The following PBX3 variants were observed in gnomAD, a reference collection of about 807,000 sequenced individuals.
The protein encoded by PBX3 is PBX homeobox 3.
A neutral mutation model predicts 48.5 loss-of-function variants in PBX3; 14 were observed. That is an observed-to-expected ratio of 0.29 (90% CI 0.19 to 0.45). The LOEUF is 0.45. Among genes scored for constraint, PBX3 ranks in the 20% least tolerant of loss-of-function variants. PBX3 has a pLI of 1.00. For missense variants in PBX3, 386 were observed against 546.7 expected (o/e 0.71, Z 2.93); for synonymous variants, 210 against 200.3 (o/e 1.05, Z -0.41).
chr9:125,791,297 GTCTGTCTATCTATCTATCTATCTA>G lies in PBX3; in HGVS notation c.274+42678_274+42701del, dbSNP rs1402630952. Among the ~76,000 whole-genome samples the G allele has an allele frequency of 2.5e-3, 324 of 128,058 alleles. 1 individual carries two copies. The highest frequency in any genetic ancestry group is 9.7e-3 in the African/African-American group (307 of 31,542). 84.0% of individuals were successfully genotyped at this position (128,058 alleles called of 152,430 possible). On this transcript the variant is annotated intron_variant, in intron 2 of 8. Coordinates refer to ENST00000373489, the MANE Select transcript of PBX3 (RefSeq NM_006195.6). ...TACATTTTTATCTGTCTGTCTGTCTGTCTGTCTATCTATCTATCTATCTATCTATCTATCTATCTATCTATCTAT... is the reference window on the plus strand; with the variant it reads ...TACATTTTTATCTGTCTGTCTGTCTGTCTATCTATCTATCTATCTATCTAT...
chr9:125,748,328 G>C lies in PBX3; in HGVS notation c.201-222G>C. 2.4e-6 allele frequency: 3 copies of C among 1,227,868 alleles called. No individual in the cohort carries two copies. The South Asian group carries it at 6.1e-5, about 25-fold the overall frequency. The allele number at this position is 1,227,868 out of a possible 1,614,324, so 76.1% of individuals were successfully genotyped here. A position where few individuals can be genotyped will look rare whatever the true frequency, so the allele number is the denominator to read the frequency against. ...TCTGCAGTGGCCGAGGCTGCTGCCT[G>C]CCGGGCAGATGGGTCCGCCTTGTTC... On this transcript the variant is annotated intron_variant, in intron 1 of 8. Coordinates refer to ENST00000373489, the MANE Select transcript of PBX3 (RefSeq NM_006195.6).
chr9:125,898,694 A>G (rs969421660), intron 2 of PBX3, among the ~76,000 whole-genome samples: 3 of 151,868 alleles, frequency 2.0e-5, no homozygotes, highest in Non-Finnish European at 4.4e-5. Context: ...AAGTGAAGAT[A>G]CAGAATGCTG....
intron 1 of PBX3, 41 bp from the exon 2 acceptor site, chr9:125,748,509 G>T: frequency 6.2e-7 from 1 of 1,605,006 alleles, no homozygotes; most frequent in South Asian, 1.1e-5. Context: ...TTATTCCATA[G>T]GTGATGCTAA....
At chr9:125,923,983 A>G (rs528840217) in intron 3 of PBX3, among the ~76,000 whole-genome samples, 3 of 149,942 alleles carry the variant, frequency 2.0e-5, no homozygotes, top group South Asian at 2.1e-4. Flanking sequence ...TCCTGCCCCA[A>G]CCCCCCTAGT....
chr9:125,792,143 G>A (rs906069436), intron 2 of PBX3, among the ~76,000 whole-genome samples: 1 of 152,124 alleles, frequency 6.6e-6, no homozygotes, highest in African/African-American at 2.4e-5. Context: ...AATCCTAGAT[G>A]TAGGAAAAGA....
intron 2 of PBX3, among the ~76,000 whole-genome samples, chr9:125,913,454 A>G (rs1224893969): frequency 6.6e-6 from 1 of 152,142 alleles, no homozygotes; most frequent in African/African-American, 2.4e-5. Context: ...TCTTATTGGT[A>G]CAATAATGAT....
chr9:125,767,870 A>G (rs576550311), intron 2 of PBX3, among the ~76,000 whole-genome samples: 2 of 152,194 alleles, frequency 1.3e-5, no homozygotes, highest in Non-Finnish European at 2.9e-5. Flanking sequence ...TTGAGGGGAA[A>G]GAATCAGAAA....
chr9:125,956,987 T>A (rs1304078073), intron 5 of PBX3, among the ~76,000 whole-genome samples: 4 of 152,186 alleles, frequency 2.6e-5, no homozygotes, highest in African/African-American at 9.7e-5. Context: ...GGGCTTCTTT[T>A]GCAACTAATT....
intron 2 of PBX3, among the ~76,000 whole-genome samples, chr9:125,780,959 G>A (rs1837282195): frequency 8.3e-6 from 1 of 120,022 alleles, no homozygotes; most frequent in Non-Finnish European, 1.7e-5. Context: ...TCCCAGACGG[G>A]GTTGCGGCCG....
chr9:125,776,562 C>T (rs10760401), intron 2 of PBX3, among the ~76,000 whole-genome samples: 1 of 151,886 alleles, frequency 6.6e-6, no homozygotes. Flanking sequence ...TTTAAATGGG[C>T]TTTTGCTCTG....
chr9:125,879,732 T>C (rs2132346501), intron 2 of PBX3, among the ~76,000 whole-genome samples: 1 of 152,346 alleles, frequency 6.6e-6, no homozygotes, highest in East Asian at 1.9e-4. Context: ...ATTACTTCAA[T>C]AGATCCTTTG....
chr9:125,773,272 C>T (rs757242447), intron 2 of PBX3, among the ~76,000 whole-genome samples: 15 of 152,174 alleles, frequency 9.9e-5, no homozygotes, highest in Admixed American at 5.2e-4. Flanking sequence ...AAGGATTAGG[C>T]GATTGGTTGG....
At position 125,966,715 on chromosome 9, in the gene PBX3, T is replaced by C. The variant is rs907923824; in HGVS notation, c.*792T>C. The stretch of plus-strand genomic sequence containing the variant: ...AGGCCCTGCTCTCTGGAGTGTTGTA[T>C]ATAGTGTAGCAAAAGAGTATTTATA... On this transcript the variant is annotated 3_prime_UTR_variant, in exon 9 of 9. Transcript: ENST00000373489. 2 of 152,658 alleles carry C rather than the reference T, an allele frequency of 1.3e-5. No individual in the cohort carries two copies. The highest frequency in any genetic ancestry group is 2.9e-5 in the Non-Finnish European group (2 of 68,056). 9.5% of individuals were successfully genotyped at this position (152,658 alleles called of 1,614,324 possible).
intron 2 of PBX3, among the ~76,000 whole-genome samples, chr9:125,871,842 A>G (rs1450479095): frequency 1.3e-5 from 2 of 152,212 alleles, no homozygotes; most frequent in Non-Finnish European, 1.5e-5. Context: ...CTAGAGGCAA[A>G]AATAGAATTG....
At chr9:125,928,610 C>T (rs1337936735) in intron 3 of PBX3, among the ~76,000 whole-genome samples, 1 of 151,948 alleles carries the variant, frequency 6.6e-6, no homozygotes, top group Admixed American at 6.6e-5. Flanking sequence ...GGACTACAGG[C>T]ACCCGCCACC....
chr9:125,949,262 A>G, intron 5 of PBX3: 1 of 1,303,122 alleles, frequency 7.7e-7, no homozygotes, highest in South Asian at 1.4e-5. Flanking sequence ...CAGGGGATTC[A>G]GGGGTTAATG....
Position 125,866,997 on chromosome 9 carries a change from G to T in PBX3, c.275-48689G>T, listed in dbSNP as rs553810738. ...TAAACATAAGTTGTACTACATATGT[G>T]TAATTACAAAGCAATTGTAATGGCA... On this transcript the variant is annotated intron_variant, in intron 2 of 8. Transcript: ENST00000373489. Among the ~76,000 whole-genome samples the T allele has an allele frequency of 1.8e-4, 28 of 152,240 alleles. No individual in the cohort carries two copies. The South Asian group carries it at 5.4e-3, about 29-fold the overall frequency.
chr9:125,899,441 G>GTGTATATA (rs1554726019), intron 2 of PBX3, among the ~76,000 whole-genome samples: 2 of 76,502 alleles, frequency 2.6e-5, no homozygotes, highest in African/African-American at 1.2e-4. Flanking sequence ...ATATATGTGT[G>GTGTATATA]TATATATATA....
chr9:125,848,937 G>C (rs1839503667), intron 2 of PBX3, among the ~76,000 whole-genome samples: 1 of 151,882 alleles, frequency 6.6e-6, no homozygotes, highest in African/African-American at 2.4e-5. Context: ...GCAATAGCTT[G>C]GTAAAGAACA....
Sources: gnomAD v4.1 joint callset for allele counts (sites outside exome capture counted in the v4.1 genomes callset) on GRCh38, gnomAD v4.1.1 for gene constraint, MANE v1.5 for transcripts, NCBI Gene and HGNC (gene_info 2026-07-23, HGNC 2026-07-21) for gene names.